The following PRR32 variants were observed in gnomAD, a reference collection of about 807,000 sequenced individuals.
PRR32 encodes the protein proline-rich protein 32.
Under a neutral mutation model 1.3 loss-of-function variants are expected in PRR32, and 2 were observed. The observed-to-expected ratio is 1.49, with a 90% CI of 0.61 to 4.68. The LOEUF (loss-of-function observed/expected upper bound fraction) is 4.68. PRR32 is among the 30% of genes most tolerant of loss of function. The pLI, the probability that PRR32 is intolerant of heterozygous loss-of-function variation, is 0.06. For synonymous variants in PRR32, 107 were observed against 88.7 expected (o/e 1.21, Z -1.16); for missense variants, 241 against 232.5 (o/e 1.04, Z -0.24).
Position 126,821,106 on chromosome X carries a change from T to C in PRR32, c.468T>C (p.Asn156=). ...ATGGGGGCACTGAGAGAGGCAGTAA[T>C]AACGCAAGGTTGCATGTAGCTTTGC... ...VNNGGTERGS[N]NARLHVALPQ... is the part of the protein sequence containing the mutation. Residue 156 remains asparagine (N), a synonymous_variant, in exon 2 of 2, where the codon AAT becomes AAC. Coordinates refer to ENST00000371125, the MANE Select transcript of PRR32 (RefSeq NM_001122716.2). 8.6e-7 allele frequency: 1 copy of C among 1,167,591 alleles called. No individual in the cohort carries two copies. Among genetic ancestry groups the C allele is most frequent in the South Asian group, 1.9e-5 (1 of 52,735 alleles).
In PRR32 at chrX:126,819,814, T is replaced by C. The variant is rs1312881646; in HGVS notation, c.-30T>C. ...TGTTCAGTGGGTTATCTCCACCACC[T>C]CAGGAAAGCTATTCTGATCAAATTT... On this transcript the variant is annotated 5_prime_UTR_variant, in exon 1 of 2. Coordinates refer to ENST00000371125, the MANE Select transcript of PRR32 (RefSeq NM_001122716.2). The C allele has an allele frequency of 3.4e-6, 4 of 1,162,121 alleles. No homozygotes were observed. The South Asian group carries it at 7.7e-5, about 22-fold the overall frequency.
chrX:126,821,347 G>A lies in PRR32; in HGVS notation c.709G>A (p.Gly237Ser). The change falls in exon 2 of 2, where the codon GGT (glycine) becomes AGT (serine). Residue 237 changes from glycine to serine, a missense_variant. Coordinates refer to ENST00000371125, the MANE Select transcript of PRR32 (RefSeq NM_001122716.2). ...TATCCCGTTGTCTTCCAGTACTCCA[G>A]GTTTACCTTCTTGCTCTACTGTTCA... ...RPIPLSSSTP[G>S]LPSCSTVHCF... The A allele has an allele frequency of 8.6e-7, 1 of 1,168,410 alleles. No homozygotes were observed. The highest frequency in any genetic ancestry group is 1.1e-6 in the Non-Finnish European group (1 of 873,125).
intron 1 of PRR32, among the ~76,000 whole-genome samples, chrX:126,820,276 A>G (rs1930533865): frequency 9.5e-6 from 1 of 105,059 alleles, no homozygotes; most frequent in Admixed American, 1.0e-4. Context: ...AAGACATACC[A>G]GAACAATCTT....
Position 126,820,777 on chromosome X carries a change from C to G in PRR32, c.139C>G (p.Pro47Ala). ...LSSKPEDDAEPWGQPQVPLRP... is the reference protein window; with the variant it reads ...LSSKPEDDAEAWGQPQVPLRP... ...TTCCAAGCCAGAGGATGACGCAGAG[C>G]CCTGGGGTCAACCTCAAGTACCGCT... Residue 47 changes from proline (P) to alanine (A), a missense_variant, in exon 2 of 2, where the codon CCC becomes GCC. Transcript: ENST00000371125. The G allele has an allele frequency of 8.6e-7, 1 of 1,167,727 alleles. No individual in the cohort carries two copies. The highest frequency in any genetic ancestry group is 2.6e-5 in the Admixed American group (1 of 38,729).
intron 1 of PRR32, among the ~76,000 whole-genome samples, chrX:126,820,286 T>TG (rs201503317): frequency 0.15 from 16,458 of 111,840 alleles, 1,058 homozygotes; most frequent in Non-Finnish European, 0.19. Context: ...AGAACAATCT[T>TG]GCCAGAATCT....
At position 126,821,662 on chromosome X, in the gene PRR32, C is replaced by T. The variant is rs764143259; in HGVS notation, c.*127C>T. 12 of 848,532 alleles carry T rather than the reference C, an allele frequency of 1.4e-5. No homozygotes were observed. Among genetic ancestry groups the T allele is most frequent in the East Asian group, 6.9e-5 (2 of 29,065 alleles). 69.9% of individuals were successfully genotyped at this position (848,532 alleles called of 1,213,427 possible). A position where few individuals can be genotyped will look rare whatever the true frequency, so the allele number is the denominator to read the frequency against. On this transcript the variant is annotated 3_prime_UTR_variant, in exon 2 of 2. Transcript: ENST00000371125. ...CACTAATGTGCCCTACTTGAAACCA[C>T]GTACCCTCCCACACTCTGTTTAGCA...
Position 126,819,992 on chromosome X carries a change from G to A in PRR32, c.20+129G>A, listed in dbSNP as rs142719930. ...GGGAGGAAATTACAGACAAAAACTT[G>A]AAGGACATAAATTTAGTTACTAAGA... On this transcript the variant is annotated intron_variant, in intron 1 of 1. Coordinates refer to ENST00000371125, the MANE Select transcript of PRR32 (RefSeq NM_001122716.2). The A allele has an allele frequency of 1.5e-3, 917 of 615,684 alleles. 5 individuals carry two copies. The African/African-American group carries it at 0.018, about 12-fold the overall frequency. The allele number at this position is 615,684 out of a possible 1,213,427, so 50.7% of individuals were successfully genotyped here. A position where few individuals can be genotyped will look rare whatever the true frequency, so the allele number is the denominator to read the frequency against.
intron 1 of PRR32, among the ~76,000 whole-genome samples, chrX:126,820,409 G>A (rs895399794): frequency 1.8e-5 from 2 of 111,351 alleles, no homozygotes; most frequent in Non-Finnish European, 3.8e-5. Flanking sequence ...TTGCTGCCTT[G>A]TGGAGGTGGG....
Position 126,821,020 on chromosome X carries a change from G to T in PRR32, c.382G>T (p.Val128Leu), listed in dbSNP as rs1930547957. The change falls in exon 2 of 2, where the codon GTG (valine) becomes TTG (leucine). Residue 128 changes from valine to leucine, a missense_variant. By Grantham distance (32) the Val-to-Leu change is conservative. Transcript: ENST00000371125. Reference sequence around the variant, plus strand: ...GCAGGAGGGACAGGATGCTATTAATGTGTCCTGGGAAGTCTCTGGCGGCCC... The same window carrying T: ...GCAGGAGGGACAGGATGCTATTAATTTGTCCTGGGAAGTCTCTGGCGGCCC... ...WRQEGQDAIN[V>L]SWEVSGGPPA... 1 of 1,162,410 alleles carries T rather than the reference G, an allele frequency of 8.6e-7. No individual in the cohort carries two copies. The highest frequency in any genetic ancestry group is 1.1e-6 in the Non-Finnish European group (1 of 870,809).
chrX:126,819,802 A>G lies in PRR32; in HGVS notation c.-42A>G, dbSNP rs995037435. On this transcript the variant is annotated 5_prime_UTR_variant, in exon 1 of 2. Transcript: ENST00000371125. ...ACCTAGCTGGCCTGTTCAGTGGGTT[A>G]TCTCCACCACCTCAGGAAAGCTATT... 1 of 1,158,325 alleles carries G rather than the reference A, an allele frequency of 8.6e-7. No homozygotes were observed. The highest frequency in any genetic ancestry group is 1.2e-6 in the Non-Finnish European group (1 of 866,282).
chrX:126,820,197 A>T (rs909912588), intron 1 of PRR32, among the ~76,000 whole-genome samples: 1 of 111,690 alleles, frequency 9.0e-6, no homozygotes, highest in Non-Finnish European at 1.9e-5. Flanking sequence ...CAAGAAGAGA[A>T]ACTTGTGTGT....
At position 126,821,707 on chromosome X, in the gene PRR32, A is replaced by T. The variant is rs1930566161; in HGVS notation, c.*172A>T. The T allele has an allele frequency of 3.4e-6, 2 of 580,828 alleles. No homozygotes were observed. The highest frequency in any genetic ancestry group is 8.0e-5 in the Admixed American group (2 of 25,093). 47.9% of individuals were successfully genotyped at this position (580,828 alleles called of 1,213,427 possible). On this transcript the variant is annotated 3_prime_UTR_variant, in exon 2 of 2. Transcript: ENST00000371125. Reference sequence around the variant, plus strand: ...TTAGCACTAATGTGCCCTATTTGAAACCTTGTACCCTACCACACTCTGTTT... The same window carrying T: ...TTAGCACTAATGTGCCCTATTTGAATCCTTGTACCCTACCACACTCTGTTT...
Position 126,821,313 on chromosome X carries a change from G to A in PRR32, c.675G>A (p.Trp225Ter). The A allele has an allele frequency of 6.8e-6, 8 of 1,168,364 alleles. No homozygotes were observed. The South Asian group carries it at 1.3e-4, about 19-fold the overall frequency. ...GCCCATGCCACCCCATGCATAATTG[G>A]CCAAGGCCTATCCCGTTGTCTTCCA... ...LRGPCHPMHN[W>*]PRPIPLSSST... Residue 225 changes from tryptophan to a stop codon, truncating the protein, a stop_gained, in exon 2 of 2, where the codon TGG becomes TGA. Coordinates refer to ENST00000371125, the MANE Select transcript of PRR32 (RefSeq NM_001122716.2). LOFTEE classifies it low-confidence loss of function (END_TRUNC).
chrX:126,821,604 T>G lies in PRR32; in HGVS notation c.*69T>G. ...AAGTTATTCATTTATGCTTTTATAT[T>G]TGAAACCTTGTACCCTCCCACACTC... On this transcript the variant is annotated 3_prime_UTR_variant, in exon 2 of 2. Transcript: ENST00000371125. 9.0e-7 allele frequency: 1 copy of G among 1,108,956 alleles called. No individual in the cohort carries two copies. Among genetic ancestry groups the G allele is most frequent in the Non-Finnish European group, 1.2e-6 (1 of 841,325 alleles). The allele number at this position is 1,108,956 out of a possible 1,213,427, so 91.4% of individuals were successfully genotyped here. A position where few individuals can be genotyped will look rare whatever the true frequency, so the allele number is the denominator to read the frequency against.
rs1379567127 is a variant in PRR32 at position 126,821,245 on chromosome X, G to C, written c.607G>C (p.Ala203Pro). The change falls in exon 2 of 2, where the codon GCC becomes CCC. Residue 203 changes from alanine to proline, a missense_variant. Coordinates refer to ENST00000371125, the MANE Select transcript of PRR32 (RefSeq NM_001122716.2). ...GGTGCCGCCCGGAAATACACGAATA[G>C]CCTGCAGAGGAAAGCTGGCTCATGT... ...MEVPPGNTRI[A>P]CRGKLAHVSF... 8.6e-7 allele frequency: 1 copy of C among 1,166,522 alleles called. No homozygotes were observed. Among genetic ancestry groups the C allele is most frequent in the Non-Finnish European group, 1.1e-6 (1 of 872,860 alleles).
intron 1 of PRR32, 65 bp downstream of exon 1, chrX:126,819,928 G>A (rs1428886233): frequency 6.7e-6 from 7 of 1,037,635 alleles, no homozygotes; most frequent in Non-Finnish European, 9.2e-6. Flanking sequence ...TTGCTTTATT[G>A]TGTAACTGGG....
In PRR32 at chrX:126,821,194, A is replaced by T. The variant is rs1930552310; in HGVS notation, c.556A>T (p.Thr186Ser). The change falls in exon 2 of 2, where the codon ACC (threonine) becomes TCC (serine). Residue 186 changes from threonine (T) to serine (S), a missense_variant. Coordinates refer to ENST00000371125, the MANE Select transcript of PRR32 (RefSeq NM_001122716.2). ...PQVRGPSHIPTLRSGIVMEVP... is the reference protein window; with the variant it reads ...PQVRGPSHIPSLRSGIVMEVP... ...AGTGAGAGGCCCTTCACATATTCCC[A>T]CCCTTAGATCAGGGATAGTAATGGA... The T allele has an allele frequency of 8.6e-7, 1 of 1,165,350 alleles. No individual in the cohort carries two copies. Among genetic ancestry groups the T allele is most frequent in the African/African-American group, 1.8e-5 (1 of 55,495 alleles).
rs772637042 is a variant in PRR32 at position 126,821,229 on chromosome X, C to T, written c.591C>T (p.Pro197=). ...LRSGIVMEVP[P]GNTRIACRGK... ...CAGGGATAGTAATGGAGGTGCCGCC[C>T]GGAAATACACGAATAGCCTGCAGAG... The change falls in exon 2 of 2, where the codon CCC becomes CCT. Residue 197 remains proline (P), a synonymous_variant. Transcript: ENST00000371125. The T allele has an allele frequency of 1.2e-5, 14 of 1,166,134 alleles. No homozygotes were observed. The highest frequency in any genetic ancestry group is 4.6e-4 in the Middle Eastern group (2 of 4,325).
Position 126,821,081 on chromosome X carries a change from A to T in PRR32, c.443A>T (p.Asn148Ile). 8.6e-6 allele frequency: 10 copies of T among 1,167,456 alleles called. No individual in the cohort carries two copies. The highest frequency in any genetic ancestry group is 1.8e-5 in the African/African-American group (1 of 56,226). ...ALIVGGTKVN[N>I]GGTERGSNNA... ...ATAGTAGGGGGCACAAAGGTCAACA[A>T]TGGGGGCACTGAGAGAGGCAGTAAT... Residue 148 changes from asparagine to isoleucine, a missense_variant, in exon 2 of 2, where the codon AAT becomes ATT. Physicochemically the swap from Asn to Ile is moderately radical, Grantham distance 149 (BLOSUM62 -3). Coordinates refer to ENST00000371125, the MANE Select transcript of PRR32 (RefSeq NM_001122716.2).
Sources: allele counts gnomAD v4.1 joint callset (sites outside exome capture counted in the v4.1 genomes callset), GRCh38; gene constraint gnomAD v4.1.1; transcripts MANE v1.5; gene names NCBI Gene and HGNC (gene_info 2026-07-23, HGNC 2026-07-21).